COG3: variants seen among roughly 807,000 people sequenced by gnomAD.
The protein encoded by COG3 is conserved oligomeric Golgi complex subunit 3.
Under a neutral mutation model 114.1 loss-of-function variants are expected in COG3, and 32 were observed. That is an observed-to-expected ratio of 0.28 (90% CI 0.21 to 0.38). COG3 has a LOEUF of 0.38. COG3 is among the 10% of genes least tolerant of loss of function. The probability of loss-of-function intolerance (pLI) is 1.00; values close to 1 mark genes in which losing one functional copy is unlikely to be tolerated. For synonymous variants in COG3, 352 were observed against 365.7 expected, an observed-to-expected ratio of 0.96 and a Z score of 0.43; for missense variants, 813 against 973.2, an observed-to-expected ratio of 0.84 and a Z score of 2.19.
At chr13:45,500,956 T>C (rs1212803764) in intron 13 of COG3, among the ~76,000 whole-genome samples, 1 of 152,240 alleles carries the variant, frequency 6.6e-6, no homozygotes, top group South Asian at 2.1e-4. Flanking sequence ...ATTCGTCTGA[T>C]GTTATCCTTA....
At chr13:45,529,667 T>C (rs1872994084) in intron 20 of COG3, 124 bp from the exon 21 acceptor site, 1 of 670,486 alleles carries the variant, frequency 1.5e-6, no homozygotes, top group Non-Finnish European at 2.4e-6. Context: ...TGAAAGAAAT[T>C]CTTTGGGGAA....
rs187931676 is a variant in COG3, at chr13:45,531,125, T to A, written c.2457+345T>A. Reference sequence around the variant, plus strand: ...TGCATAATAAGAGAAATACATTTTTTAAAAAAATTTTTGATTTTTCTGTAG... The same window carrying A: ...TGCATAATAAGAGAAATACATTTTTAAAAAAAATTTTTGATTTTTCTGTAG... On this transcript the variant is annotated intron_variant, in intron 22 of 22. Coordinates refer to ENST00000349995, the MANE Select transcript of COG3 (RefSeq NM_031431.4). The A allele has an allele frequency of 5.4e-3, 5,196 of 961,024 alleles. 18 individuals carry two copies. The highest frequency in any genetic ancestry group is 6.2e-3 in the Non-Finnish European group (4,951 of 802,974). The allele number at this position is 961,024 out of a possible 1,614,324, so 59.5% of individuals were successfully genotyped here.
chr13:45,512,732 A>G (rs890628953), intron 16 of COG3, among the ~76,000 whole-genome samples: 4 of 151,896 alleles, frequency 2.6e-5, no homozygotes, highest in Admixed American at 1.3e-4. Context: ...AGGTGAAGCA[A>G]TTCTCCTGCT....
rs536621313 is a variant in COG3, at chr13:45,503,190, A to G, written c.1489-54A>G. On this transcript the variant is annotated intron_variant, in intron 13 of 22. Transcript: ENST00000349995. ...TGTACTTTGTATAAAGAACATGTTC[A>G]TGTTGCCAAACACTGCTGAAAACGG... The G allele has an allele frequency of 8.9e-5, 74 of 828,554 alleles. No homozygotes were observed. In the Admixed American group the frequency reaches 1.3e-3, roughly 15 times the overall value. 51.3% of individuals were successfully genotyped at this position (828,554 alleles called of 1,614,324 possible).
intron 16 of COG3, among the ~76,000 whole-genome samples, chr13:45,514,631 T>G (rs1012975367): frequency 6.6e-6 from 1 of 152,080 alleles, no homozygotes; most frequent in Non-Finnish European, 1.5e-5. Flanking sequence ...ATTATTTTCA[T>G]GGTTGAGCTT....
intron 5 of COG3, 111 bp downstream of exon 5, chr13:45,481,415 C>A: frequency 1.6e-6 from 1 of 639,190 alleles, no homozygotes; most frequent in Non-Finnish European, 2.8e-6. Context: ...TTTAATTTAG[C>A]TTGCTTGCTG....
Position 45,535,052 on chromosome 13 carries a change from T to C in COG3, c.*321T>C. ...CTTTGTTAAAAATGTGCAATAAAAA[T>C]AGATTACAATAAGTAGTGCAAAGAA... On this transcript the variant is annotated 3_prime_UTR_variant, in exon 23 of 23. Transcript: ENST00000349995. The C allele has an allele frequency of 9.0e-7, 1 of 1,107,646 alleles. No homozygotes were observed. Among genetic ancestry groups the C allele is most frequent in the Non-Finnish European group, 1.1e-6 (1 of 910,600 alleles). The allele number at this position is 1,107,646 out of a possible 1,614,324, so 68.6% of individuals were successfully genotyped here. A position where few individuals can be genotyped will look rare whatever the true frequency, so the allele number is the denominator to read the frequency against.
At chr13:45,482,549 C>T (rs1045260512) in intron 6 of COG3, 76 bp downstream of exon 6, 4 of 703,428 alleles carry the variant, frequency 5.7e-6, no homozygotes, top group African/African-American at 5.5e-5. Flanking sequence ...TTGTGTTTTT[C>T]AACTTTTCTG....
intron 14 of COG3, among the ~76,000 whole-genome samples, chr13:45,509,338 G>C (rs1304188582): frequency 6.6e-6 from 1 of 152,060 alleles, no homozygotes; most frequent in African/African-American, 2.4e-5. Context: ...GTGCCCAGAC[G>C]ATCTGCCTCC....
intron 22 of COG3, among the ~76,000 whole-genome samples, chr13:45,533,771 C>T (rs1180437131): frequency 6.6e-6 from 1 of 152,168 alleles, no homozygotes; most frequent in Admixed American, 6.5e-5. Flanking sequence ...CCTTTCTTGA[C>T]CTTGACAGGC....
chr13:45,513,796 A>G (rs1871230416), intron 16 of COG3, among the ~76,000 whole-genome samples: 1 of 151,920 alleles, frequency 6.6e-6, no homozygotes, highest in South Asian at 2.1e-4. Flanking sequence ...GAAATTAGAA[A>G]ACACATGTCT....
At chr13:45,524,682 C>T (rs1221392473) in intron 19 of COG3, among the ~76,000 whole-genome samples, 5 of 152,142 alleles carry the variant, frequency 3.3e-5, no homozygotes, top group African/African-American at 1.2e-4. Flanking sequence ...TCATTTTTGT[C>T]TTCCTAGTGG....
chr13:45,529,773 A>G lies in COG3; in HGVS notation c.2231-18A>G, dbSNP rs1261265302. 1.3e-6 allele frequency: 2 copies of G among 1,586,518 alleles called. No individual in the cohort carries two copies. Among genetic ancestry groups the G allele is most frequent in the Non-Finnish European group, 1.7e-6 (2 of 1,163,182 alleles). ...TTTCTTTTTCTTTATGACACTAATG[A>G]GGTTACTTTATTTCCAGCAAAGGTC... On this transcript the variant is annotated intron_variant, in intron 20 of 22. Coordinates refer to ENST00000349995, the MANE Select transcript of COG3 (RefSeq NM_031431.4).
In COG3 at chr13:45,518,825, A is replaced by G; in HGVS notation, c.1994A>G (p.Asn665Ser). Residue 665 changes from asparagine (N) to serine (S), a missense_variant, in exon 18 of 23, where the codon AAT becomes AGT. Coordinates refer to ENST00000349995, the MANE Select transcript of COG3 (RefSeq NM_031431.4). ...AGATTTTTTAGGCTGAATAGCAACAATGCCTTGATAGAGTTCTTGTTGGAG... is the reference window on the plus strand; with the variant it reads ...AGATTTTTTAGGCTGAATAGCAACAGTGCCTTGATAGAGTTCTTGTTGGAG... ...VPRFFRLNSN[N>S]ALIEFLLEGT... 6.2e-7 allele frequency: 1 copy of G among 1,614,078 alleles called. No homozygotes were observed. The highest frequency in any genetic ancestry group is 8.5e-7 in the Non-Finnish European group (1 of 1,179,940).
At chr13:45,474,151 CTTTTTTTTTT>C (rs10558884) in intron 1 of COG3, among the ~76,000 whole-genome samples, 8 of 82,014 alleles carry the variant, frequency 9.8e-5, no homozygotes, top group East Asian at 3.3e-4. Context: ...CTTTTTTACT[CTTTTTTTTTT>C]TTTTTTTTTT....
In COG3 at chr13:45,534,954, T is replaced by G; in HGVS notation, c.*223T>G. 2 of 1,246,512 alleles carry G rather than the reference T, an allele frequency of 1.6e-6. No individual in the cohort carries two copies. Among genetic ancestry groups the G allele is most frequent in the Non-Finnish European group, 1.0e-6 (1 of 996,942 alleles). The allele number at this position is 1,246,512 out of a possible 1,614,324, so 77.2% of individuals were successfully genotyped here. On this transcript the variant is annotated 3_prime_UTR_variant, in exon 23 of 23. Transcript: ENST00000349995. ...ATGCCAAAGATTAATCTGTGATTGG[T>G]GATAACTGCCTCGTTTAAATGGTCA... is the stretch of plus-strand genomic sequence containing the variant.
chr13:45,506,775 T>TC (rs1481431882), intron 14 of COG3, among the ~76,000 whole-genome samples: 8 of 152,184 alleles, frequency 5.3e-5, no homozygotes, highest in Non-Finnish European at 1.5e-5. Context: ...GTTCCCTGGT[T>TC]CCCACCTCTA....
Position 45,480,226 on chromosome 13 carries a change from A to G in COG3, c.485A>G (p.Tyr162Cys). 1.2e-6 allele frequency: 2 copies of G among 1,613,816 alleles called. No individual in the cohort carries two copies. The highest frequency in any genetic ancestry group is 1.7e-6 in the Non-Finnish European group (2 of 1,179,728). The change falls in exon 4 of 23, where the codon TAT (tyrosine) becomes TGT (cysteine). Residue 162 changes from tyrosine to cysteine, a missense_variant. This residue lies in a region of COG3 where 424 missense variants were observed against 430.6 expected (regional missense o/e 0.98). Transcript: ENST00000349995. The part of the protein sequence containing the change: ...LQHLESLQKQ[Y>C]LFVSNKTGTL... Reference sequence around the variant, plus strand: ...CATCTGGAGTCTTTGCAGAAACAGTATCTTTTTGTGTCCAATAAGACAGGA... The same window carrying G: ...CATCTGGAGTCTTTGCAGAAACAGTGTCTTTTTGTGTCCAATAAGACAGGA...
intron 16 of COG3, 144 bp downstream of exon 16, chr13:45,511,998 CTG>C (rs1168875310): frequency 3.9e-5 from 25 of 643,620 alleles, no homozygotes; most frequent in Admixed American, 2.0e-4. Context: ...TTGAGAGAAA[CTG>C]TTATTTCATT....
Sources: allele counts gnomAD v4.1 joint callset (sites outside exome capture counted in the v4.1 genomes callset), GRCh38; gene constraint gnomAD v4.1.1; regional missense constraint gnomAD v4.1.1; transcripts MANE v1.5; gene names NCBI Gene and HGNC (gene_info 2026-07-23, HGNC 2026-07-21).